Variants in MYO7B observed in about 807,000 individuals in gnomAD.
The protein encoded by MYO7B is unconventional myosin-VIIb.
MYO7B carries 212 observed loss-of-function variants against 259.7 expected under a neutral mutation model. The observed-to-expected ratio is 0.82, with a 90% CI of 0.73 to 0.91. The LOEUF is 0.91. Among genes scored for constraint, MYO7B ranks in the 40% least tolerant of loss-of-function variants. MYO7B has a pLI of 0.00. For missense variants in MYO7B, 2,732 were observed against 2,813.5 expected, an observed-to-expected ratio of 0.97 and a Z score of 0.66; for synonymous variants, 1,197 against 1,166.4, an observed-to-expected ratio of 1.03 and a Z score of -0.54.
intron 1 of MYO7B, among the ~76,000 whole-genome samples, chr2:127,541,987 C>T (rs747344309): frequency 6.6e-6 from 1 of 152,224 alleles, no homozygotes; most frequent in African/African-American, 2.4e-5. Flanking sequence ...GCCCTGTGCC[C>T]ACTGGGAGAA....
In MYO7B at chr2:127,631,761, G is replaced by C. The variant is rs1016619232; in HGVS notation, c.5249+8G>C. 1.9e-6 allele frequency: 3 copies of C among 1,611,320 alleles called. No homozygotes were observed. The Admixed American group carries it at 5.0e-5, about 27-fold the overall frequency. On this transcript the variant is annotated splice_region_variant and intron_variant, in intron 38 of 47. Coordinates refer to ENST00000409816, the MANE Select transcript of MYO7B (RefSeq NM_001393586.1). ...GACGCACAACTCCAACAGGTCTGCT[G>C]GGGCGGCGGCCAGCCCACGCGGGCA...
intron 29 of MYO7B, among the ~76,000 whole-genome samples, 161 bp downstream of exon 29, chr2:127,623,536 T>C (rs1421082062): frequency 1.3e-5 from 2 of 152,048 alleles, no homozygotes; most frequent in Non-Finnish European, 2.9e-5. Context: ...CACAGGCAGG[T>C]GCACACACAC....
Position 127,627,765 on chromosome 2 carries a change from C to A in MYO7B, c.4460+455C>A, listed in dbSNP as rs79948094. The A allele has an allele frequency of 0.064, 29,327 of 458,262 alleles. 1,241 individuals are homozygous for A. The highest frequency in any genetic ancestry group is 0.09 in the Middle Eastern group (276 of 3,082). 28.4% of individuals were successfully genotyped at this position (458,262 alleles called of 1,614,324 possible). Reference sequence around the variant, plus strand: ...GGGGCTGACCCCCACTCCCATGGGTCTCCATGGATCTCATTGACTGGGAAC... The same window carrying A: ...GGGGCTGACCCCCACTCCCATGGGTATCCATGGATCTCATTGACTGGGAAC... On this transcript the variant is annotated intron_variant, in intron 33 of 47. Coordinates refer to ENST00000409816, the MANE Select transcript of MYO7B (RefSeq NM_001393586.1). The surrounding 1 kb of genome is among the most constrained non-coding windows in gnomAD (Gnocchi z 5.6).
intron 9 of MYO7B, among the ~76,000 whole-genome samples, chr2:127,580,285 G>A (rs1679049382): frequency 6.6e-6 from 1 of 152,180 alleles, no homozygotes; most frequent in Non-Finnish European, 1.5e-5. Flanking sequence ...GTCAGGAGAC[G>A]GTTGCAATAG....
Position 127,623,252 on chromosome 2 carries a change from A to T in MYO7B, c.3696A>T (p.Gly1232=). 1 of 1,613,674 alleles carries T rather than the reference A, an allele frequency of 6.2e-7. No individual in the cohort carries two copies. The highest frequency in any genetic ancestry group is 1.7e-5 in the Admixed American group (1 of 60,012). ...HIPIQVILAT[G]ESLTVPVDSA... ...CCATCCAAGTCATCTTGGCCACTGGAGAGAGCCTAACCGTCCCCGTGGACT... is the reference window on the plus strand; with the variant it reads ...CCATCCAAGTCATCTTGGCCACTGGTGAGAGCCTAACCGTCCCCGTGGACT... The change falls in exon 29 of 48, where the codon GGA becomes GGT. Residue 1232 remains glycine, a synonymous_variant. Coordinates refer to ENST00000409816, the MANE Select transcript of MYO7B (RefSeq NM_001393586.1).
Position 127,608,756 on chromosome 2 carries a change from C to T in MYO7B, c.2692C>T (p.Pro898Ser), listed in dbSNP as rs758340636. 7 of 1,613,330 alleles carry T rather than the reference C, an allele frequency of 4.3e-6. No homozygotes were observed. In the African/African-American group the frequency reaches 8.0e-5, roughly 18 times the overall value. ...GGGGCAGAAAAGCCAAGGCGCTCTCCCTGCCAAGAAGCGCAGATCCATCTA... is the reference window on the plus strand; with the variant it reads ...GGGGCAGAAAAGCCAAGGCGCTCTCTCTGCCAAGAAGCGCAGATCCATCTA... ...AEGQKSQGALPAKKRRSIYDT... is the reference protein window; with the variant it reads ...AEGQKSQGALSAKKRRSIYDT... Residue 898 changes from proline (P) to serine (S), a missense_variant, in exon 22 of 48, where the codon CCT (proline) becomes TCT (serine). Transcript: ENST00000409816.
At chr2:127,553,924 T>C (rs769562988) in intron 1 of MYO7B, among the ~76,000 whole-genome samples, 1 of 152,206 alleles carries the variant, frequency 6.6e-6, no homozygotes, top group African/African-American at 2.4e-5. Flanking sequence ...TGCACTGAGG[T>C]ATGTCCCTTG....
intron 1 of MYO7B, among the ~76,000 whole-genome samples, chr2:127,558,865 A>T (rs1217075615): frequency 6.6e-6 from 1 of 152,184 alleles, no homozygotes; most frequent in East Asian, 1.9e-4. Context: ...TGTAAGAATG[A>T]TACAATGGAC....
At chr2:127,589,725 G>T (rs1259319285) in intron 15 of MYO7B, among the ~76,000 whole-genome samples, 3 of 132,270 alleles carry the variant, frequency 2.3e-5, no homozygotes, top group Middle Eastern at 4.0e-3. Flanking sequence ...TGGGCGGGTG[G>T]CTATGTGGGT....
intron 2 of MYO7B, among the ~76,000 whole-genome samples, chr2:127,561,983 G>A (rs1475570908): frequency 6.6e-6 from 1 of 151,952 alleles, no homozygotes; most frequent in African/African-American, 2.4e-5. Context: ...TCTGTGCTTG[G>A]GGGTGAGGAG....
chr2:127,569,677 C>A, intron 5 of MYO7B, 112 bp from the exon 6 acceptor site: 1 of 1,361,996 alleles, frequency 7.3e-7, no homozygotes, highest in East Asian at 2.5e-5. Flanking sequence ...GGGGAGAGGC[C>A]ATCCCTGTCA....
intron 17 of MYO7B, 50 bp from the exon 18 acceptor site, chr2:127,593,496 G>A (rs369421139): frequency 7.0e-6 from 11 of 1,562,342 alleles, no homozygotes; most frequent in Non-Finnish European, 8.8e-6. Flanking sequence ...GAGAGCCGCC[G>A]AGGGGTCTCT....
At chr2:127,617,496 T>G (rs990313820) in intron 26 of MYO7B, among the ~76,000 whole-genome samples, 1 of 128,602 alleles carries the variant, frequency 7.8e-6, no homozygotes, top group South Asian at 3.0e-4. Flanking sequence ...GGTTTTTTTT[T>G]TTTTTTTTTT....
rs139373637 is a variant in MYO7B, at chr2:127,553,201, C to T, written c.-23-6499C>T. On this transcript the variant is annotated intron_variant, in intron 1 of 47. Transcript: ENST00000409816. ...TTGAATTCAGGTAATGTGATGCCTC[C>T]ATATTTGTTCTTTTTGTTTAGTCTT... Among the ~76,000 whole-genome samples, 307 of 152,298 alleles carry T rather than the reference C, an allele frequency of 2.0e-3. 1 individual carries two copies. The highest frequency in any genetic ancestry group is 7.1e-3 in the African/African-American group (294 of 41,564).
intron 26 of MYO7B, among the ~76,000 whole-genome samples, chr2:127,617,855 G>T (rs1418797249): frequency 7.1e-6 from 1 of 139,942 alleles, no homozygotes; most frequent in Non-Finnish European, 1.5e-5. Context: ...CTGGGCTTTA[G>T]TTTTTTTTTT....
At chr2:127,544,162 G>A (rs1048525497) in intron 1 of MYO7B, among the ~76,000 whole-genome samples, 1 of 150,508 alleles carries the variant, frequency 6.6e-6, no homozygotes, top group Non-Finnish European at 1.5e-5. Context: ...CTACAGCCTC[G>A]AACTCCCAGA....
chr2:127,619,806 G>A (rs1035235185), intron 26 of MYO7B, among the ~76,000 whole-genome samples: 5 of 152,198 alleles, frequency 3.3e-5, no homozygotes, highest in South Asian at 4.1e-4. Context: ...GGGGAAGGAC[G>A]CAGGAGAGAA....
chr2:127,565,804 G>A lies in MYO7B; in HGVS notation c.285+419G>A, dbSNP rs570978497. Among the ~76,000 whole-genome samples the A allele has an allele frequency of 5.9e-5, 9 of 152,376 alleles. No individual in the cohort carries two copies. In the South Asian group the frequency reaches 1.4e-3, roughly 25 times the overall value. On this transcript the variant is annotated intron_variant, in intron 4 of 47. Transcript: ENST00000409816. Reference sequence around the variant, plus strand: ...AGACGAGGGGGCCATGGGGATGGATGTGGGCCCTCCGTGCAAACCTGGCCT... The same window carrying A: ...AGACGAGGGGGCCATGGGGATGGATATGGGCCCTCCGTGCAAACCTGGCCT...
chr2:127,583,280 GC>G (rs1183100463), intron 12 of MYO7B, among the ~76,000 whole-genome samples: 1 of 152,060 alleles, frequency 6.6e-6, no homozygotes, highest in Non-Finnish European at 1.5e-5. Context: ...ATTTAGAAGG[GC>G]CCCCCTTGGA....
Sources: allele counts gnomAD v4.1 joint callset (sites outside exome capture counted in the v4.1 genomes callset), GRCh38; gene constraint gnomAD v4.1.1; non-coding constraint Gnocchi (gnomAD v3.1); transcripts MANE v1.5; gene names NCBI Gene and HGNC (gene_info 2026-07-23, HGNC 2026-07-21).